PWWP2B: variants seen among roughly 807,000 people sequenced by gnomAD.
PWWP2B encodes the protein PWWP domain-containing protein 2B.
Under a neutral mutation model 15.5 loss-of-function variants are expected in PWWP2B, and 9 were observed. The ratio of observed to expected loss-of-function variants is 0.58; its 90% confidence interval spans 0.35 to 1.02. PWWP2B has a LOEUF of 1.02. Among genes scored for constraint, PWWP2B ranks in the 50% least tolerant of loss-of-function variants. PWWP2B has a pLI of 0.02. For synonymous variants in PWWP2B, 474 were observed against 403.6 expected, an observed-to-expected ratio of 1.17 and a Z score of -2.09; for missense variants, 864 against 865.3, an observed-to-expected ratio of 1.00 and a Z score of 0.02.
At chr10:132,399,357 G>A (rs528681436) in intron 1 of PWWP2B, among the ~76,000 whole-genome samples, 3 of 152,342 alleles carry the variant, frequency 2.0e-5, no homozygotes, top group African/African-American at 4.8e-5. Context: ...CGCAGGCGGC[G>A]GGCAGCCAGG....
At chr10:132,413,566 T>G (rs892300736) in intron 2 of PWWP2B, among the ~76,000 whole-genome samples, 1 of 152,224 alleles carries the variant, frequency 6.6e-6, no homozygotes, top group Non-Finnish European at 1.5e-5. Context: ...CTCGTTTTTT[T>G]AAAACCCACT....
At chr10:132,407,932 T>C (rs1474835957) in intron 2 of PWWP2B, among the ~76,000 whole-genome samples, 1 of 152,200 alleles carries the variant, frequency 6.6e-6, no homozygotes, top group Non-Finnish European at 1.5e-5. Flanking sequence ...TTGCGAGGCA[T>C]GACATCCCCC....
At chr10:132,401,348 G>C (rs35333452) in intron 1 of PWWP2B, among the ~76,000 whole-genome samples, 1 of 151,946 alleles carries the variant, frequency 6.6e-6, no homozygotes, top group African/African-American at 2.4e-5. Context: ...AGGATGTCGC[G>C]TGAGGCTTAT....
At chr10:132,397,643 G>A (rs1230091051) in intron 1 of PWWP2B, among the ~76,000 whole-genome samples, 3 of 152,122 alleles carry the variant, frequency 2.0e-5, no homozygotes, top group Non-Finnish European at 2.9e-5. Context: ...CATAATTAAT[G>A]CACTTTTCTT....
At chr10:132,406,378 C>G in intron 2 of PWWP2B, 89 bp downstream of exon 2, 1 of 1,171,070 alleles carries the variant, frequency 8.5e-7, no homozygotes. Flanking sequence ...GCCCTGAGGC[C>G]CAGGGAGCCG....
At chr10:132,401,088 G>A (rs952966702) in intron 1 of PWWP2B, among the ~76,000 whole-genome samples, 9 of 152,228 alleles carry the variant, frequency 5.9e-5, no homozygotes, top group African/African-American at 1.9e-4. Flanking sequence ...ATCCAGGCGA[G>A]GCCCCAGGGC....
intron 2 of PWWP2B, among the ~76,000 whole-genome samples, chr10:132,413,104 C>G (rs2069803138): frequency 6.6e-6 from 1 of 152,198 alleles, no homozygotes; most frequent in African/African-American, 2.4e-5. Context: ...TGCTTTCTGC[C>G]CCTCGGGCCG....
At position 132,405,928 on chromosome 10, in the gene PWWP2B, C is replaced by T. The variant is rs761387917; in HGVS notation, c.1428C>T (p.Ser476=). 9 of 1,612,978 alleles carry T rather than the reference C, an allele frequency of 5.6e-6. No individual in the cohort carries two copies. Among genetic ancestry groups the T allele is most frequent in the Admixed American group, 5.0e-5 (3 of 60,010 alleles). The change falls in exon 2 of 3, where the codon AGC becomes AGT. Residue 476 remains serine, a synonymous_variant. Coordinates refer to ENST00000305233, the MANE Select transcript of PWWP2B (RefSeq NM_138499.4). ...TGACGGTCAGGCTGCACACACAGAG[C>T]GTGTCGGAGTGCATCACGGAGGACG... The part of the protein sequence containing the change: ...PPLTVRLHTQ[S]VSECITEDGR...
At chr10:132,410,601 G>A (rs2069765740) in intron 2 of PWWP2B, among the ~76,000 whole-genome samples, 1 of 152,130 alleles carries the variant, frequency 6.6e-6, no homozygotes, top group Non-Finnish European at 1.5e-5. Context: ...CGGGCTGCCT[G>A]GTGTTTTGGG....
Position 132,405,178 on chromosome 10 carries a change from G to A in PWWP2B, c.678G>A (p.Ala226=), listed in dbSNP as rs760805837. Residue 226 remains alanine (A), a synonymous_variant, in exon 2 of 3, where the codon GCG becomes GCA. Coordinates refer to ENST00000305233, the MANE Select transcript of PWWP2B (RefSeq NM_138499.4). ...EEPENGEPTA[A]ATARRSKRER... is the part of the protein sequence containing the mutation. ...CGGAGAACGGCGAGCCCACGGCTGC[G>A]GCCACCGCCAGGAGGAGCAAGAGGG... 146 of 1,557,724 alleles carry A rather than the reference G, an allele frequency of 9.4e-5. No individual in the cohort carries two copies. Among genetic ancestry groups the A allele is most frequent in the Non-Finnish European group, 1.1e-4 (127 of 1,151,846 alleles).
At chr10:132,413,344 CG>C (rs1235405052) in intron 2 of PWWP2B, among the ~76,000 whole-genome samples, 1 of 152,074 alleles carries the variant, frequency 6.6e-6, no homozygotes, top group Non-Finnish European at 1.5e-5. Flanking sequence ...ATGATAGTTT[CG>C]GAAGAAAAGG....
At chr10:132,403,646 C>G (rs1026967854) in intron 1 of PWWP2B, among the ~76,000 whole-genome samples, 1 of 152,240 alleles carries the variant, frequency 6.6e-6, no homozygotes, top group African/African-American at 2.4e-5. Context: ...ACAAATCCCC[C>G]AAAGCCACGC....
At chr10:132,404,026 CATTCTCCAGGGCTCCTGCAGGACG>C (rs1281817186) in intron 1 of PWWP2B, among the ~76,000 whole-genome samples, 1 of 81,244 alleles carries the variant, frequency 1.2e-5, no homozygotes, top group Admixed American at 1.2e-4. Context: ...TGCAGGACGG[CATTCTCCAGGGCTCCTGCAGGACG>C]GCATTCTCCA....
intron 1 of PWWP2B, among the ~76,000 whole-genome samples, chr10:132,398,159 A>C (rs2069563281): frequency 6.6e-6 from 1 of 152,242 alleles, no homozygotes; most frequent in African/African-American, 2.4e-5. Flanking sequence ...GGGAGCAGGG[A>C]AAGGCTCCTC....
Position 132,405,547 on chromosome 10 carries a change from C to T in PWWP2B, c.1047C>T (p.Tyr349=). 1.2e-6 allele frequency: 2 copies of T among 1,604,942 alleles called. No homozygotes were observed. Among genetic ancestry groups the T allele is most frequent in the East Asian group, 2.2e-5 (1 of 44,834 alleles). ...GGGACAGCGAGCACGAGCCCGTGTA[C>T]CGGGCCGAGCTGGTGGGGGAGCTGA... ...RLGDSEHEPV[Y]RAELVGELNG... is the part of the protein sequence containing the mutation. Residue 349 remains tyrosine (Y), a synonymous_variant, in exon 2 of 3, where the codon TAC becomes TAT. Transcript: ENST00000305233.
chr10:132,402,227 C>T (rs1019035231), intron 1 of PWWP2B, among the ~76,000 whole-genome samples: 4 of 152,242 alleles, frequency 2.6e-5, no homozygotes, highest in African/African-American at 9.6e-5. Flanking sequence ...GTGGGGCCTC[C>T]TCAGGGTCCT....
intron 2 of PWWP2B, among the ~76,000 whole-genome samples, chr10:132,411,585 G>T (rs757831698): frequency 1.8e-4 from 28 of 152,372 alleles, no homozygotes; most frequent in African/African-American, 6.0e-4. Context: ...AGAAAGGTCC[G>T]CTGTGCACAG....
intron 2 of PWWP2B, among the ~76,000 whole-genome samples, chr10:132,409,645 CCACCCACCCACA>C (rs1564876628): frequency 9.9e-6 from 1 of 101,166 alleles, no homozygotes. Flanking sequence ...ACCCACCCAC[CCACCCACCCACA>C]CCTCTACTGA....
chr10:132,399,151 G>T (rs1383684545), intron 1 of PWWP2B, among the ~76,000 whole-genome samples: 1 of 152,160 alleles, frequency 6.6e-6, no homozygotes, highest in Non-Finnish European at 1.5e-5. Context: ...CGGACCGCAG[G>T]GTGCTGACCT....
Sources: allele counts gnomAD v4.1 joint callset (sites outside exome capture counted in the v4.1 genomes callset), GRCh38; gene constraint gnomAD v4.1.1; transcripts MANE v1.5; gene names NCBI Gene and HGNC (gene_info 2026-07-23, HGNC 2026-07-21).